SYTL2: variants seen among roughly 807,000 people sequenced by gnomAD.
SYTL2 encodes synaptotagmin-like protein 2.
Under a neutral mutation model 198.7 loss-of-function variants are expected in SYTL2, and 165 were observed. The ratio of observed to expected loss-of-function variants is 0.83; its 90% CI spans 0.73 to 0.94. The LOEUF (loss-of-function observed/expected upper bound fraction) is 0.94, where lower values mean the gene tolerates loss of function less well. SYTL2 is among the 40% of genes least tolerant of loss of function. The pLI is 0.00. For synonymous variants in SYTL2, 966 were observed against 917.7 expected (o/e 1.05, Z -0.95); for missense variants, 2,835 against 2,582.8 (o/e 1.10, Z -2.12).
chr11:85,707,976 C>CACA, intron 14 of SYTL2: 1 of 96,258 alleles, frequency 1.0e-5, no homozygotes, highest in Non-Finnish European at 2.1e-5. Flanking sequence ...AAAAAAAAAA[C>CACA]CACACACACA....
At position 85,789,358 on chromosome 11, in the gene SYTL2, A is replaced by ATATATATATATATATG. The variant is rs2092692408; in HGVS notation, c.-390+21595_-390+21596insCATATATATATATATA. On this transcript the variant is annotated intron_variant, in intron 1 of 19. Transcript: ENST00000359152. The stretch of plus-strand genomic sequence containing the variant: ...TGTGTGTGTATATATATATATATAT[A>ATATATATATATATATG]TATATATATATATATATATGTATAT... Among the ~76,000 whole-genome samples, 4 of 59,758 alleles carry ATATATATATATATATG rather than the reference A, an allele frequency of 6.7e-5. 1 individual carries two copies. Among genetic ancestry groups the ATATATATATATATATG allele is most frequent in the African/African-American group, 2.0e-4 (3 of 15,298 alleles). The allele number at this position is 59,758 out of a possible 152,430, so 39.2% of individuals were successfully genotyped here.
the SYTL2 span, among the ~76,000 whole-genome samples, chr11:85,833,055 G>T: frequency 4.9e-3 from 144 of 29,574 alleles, 14 homozygotes; most frequent in African/African-American, 0.015. Context: ...AAGAAAGAAA[G>T]AAAGAAAGAA....
At chr11:85,705,157 A>G in intron 15 of SYTL2, 129 bp from the exon 16 acceptor site, 2 of 605,088 alleles carry the variant, frequency 3.3e-6, no homozygotes. Flanking sequence ...AGTCCCAAAA[A>G]TATTGCAAAG....
rs1371014936 is a variant in SYTL2 at position 85,717,337 on chromosome 11, C to G, written c.5530+146G>C. The G allele has an allele frequency of 4.7e-6, 3 of 640,588 alleles. No individual in the cohort carries two copies. The Admixed American group carries it at 7.8e-5, about 17-fold the overall frequency. The allele number at this position is 640,588 out of a possible 1,614,324, so 39.7% of individuals were successfully genotyped here. ...AATAGTAAAATGTTTTCAATAAAAC[C>G]CTTATCGTAATGAAATAGCTTTGCA... On this transcript the variant is annotated intron_variant, in intron 11 of 19. Coordinates refer to ENST00000359152, the MANE Select transcript of SYTL2 (RefSeq NM_206927.4).
the SYTL2 span, among the ~76,000 whole-genome samples, chr11:85,834,276 C>T: frequency 6.6e-6 from 1 of 151,860 alleles, no homozygotes; most frequent in Admixed American, 6.6e-5. Flanking sequence ...AATATTAATC[C>T]ATTATTTCTT....
rs1462515781 is a variant in SYTL2 at position 85,700,412 on chromosome 11, G to A, written c.6268+103C>T. ...CATTTGGTCTATACGTTACTAACTT[G>A]ATAAGTTTCTTTAGGGCCTCACCTT... On this transcript the variant is annotated intron_variant, in intron 17 of 19. Coordinates refer to ENST00000359152, the MANE Select transcript of SYTL2 (RefSeq NM_206927.4). 5.9e-6 allele frequency: 5 copies of A among 850,780 alleles called. No individual in the cohort carries two copies. The East Asian group carries it at 1.2e-4, about 21-fold the overall frequency. The allele number at this position is 850,780 out of a possible 1,614,324, so 52.7% of individuals were successfully genotyped here. A position where few individuals can be genotyped will look rare whatever the true frequency, so the allele number is the denominator to read the frequency against.
At chr11:85,778,122 C>A (rs951166745) in intron 1 of SYTL2, among the ~76,000 whole-genome samples, 2 of 152,002 alleles carry the variant, frequency 1.3e-5, no homozygotes, top group Non-Finnish European at 2.9e-5. Flanking sequence ...CCCGGCCGGT[C>A]TTCTTACTAG....
Position 85,726,665 on chromosome 11 carries a change from T to A in SYTL2, c.2693A>T (p.Asp898Val). ...CTTATTCTGAAACAGAGACACTTTA[T>A]CTGATTGCTCAGCTGAAAGATAGTA... ...SRYYLSAEQS[D>V]KVSLFQNKKN... The change falls in exon 8 of 20, where the codon GAT (aspartate) becomes GTT (valine). Residue 898 changes from aspartate to valine, a missense_variant. By Grantham distance (152) the Asp-to-Val change is radical. This residue lies in a region of SYTL2 where 2,645 missense variants were observed against 2,381.7 expected (regional missense o/e 1.11). Transcript: ENST00000359152. 1 of 1,536,656 alleles carries A rather than the reference T, an allele frequency of 6.5e-7. No individual in the cohort carries two copies. The highest frequency in any genetic ancestry group is 8.7e-7 in the Non-Finnish European group (1 of 1,147,002).
intron 14 of SYTL2, chr11:85,708,153 CA>C (rs201488817): frequency 0.091 from 27,542 of 301,326 alleles, 5 homozygotes; most frequent in South Asian, 0.14. Flanking sequence ...AACTCCACCT[CA>C]AAAAAAAAAA....
the SYTL2 span, among the ~76,000 whole-genome samples, chr11:85,833,331 C>T: frequency 2.7e-5 from 4 of 146,688 alleles, no homozygotes; most frequent in East Asian, 7.9e-4. Flanking sequence ...CAATATATAT[C>T]ATATATATCA....
the SYTL2 span, among the ~76,000 whole-genome samples, chr11:85,825,468 T>C: frequency 2.0e-5 from 3 of 152,022 alleles, no homozygotes. Context: ...AGAAGCTATT[T>C]TGCAACATGG....
chr11:85,776,101 C>G (rs977493731), intron 1 of SYTL2, among the ~76,000 whole-genome samples: 1 of 152,120 alleles, frequency 6.6e-6, no homozygotes, highest in Non-Finnish European at 1.5e-5. Context: ...AAAAGAGCTA[C>G]CCAGTTCTCT....
rs1432909388 is a variant in SYTL2 at position 85,711,196 on chromosome 11, T to C, written c.5662A>G (p.Ser1888Gly). 1.2e-6 allele frequency: 2 copies of C among 1,614,094 alleles called. No individual in the cohort carries two copies. The highest frequency in any genetic ancestry group is 1.7e-5 in the Admixed American group (1 of 60,032). The change falls in exon 13 of 20, where the codon AGT becomes GGT. Residue 1888 changes from serine (S) to glycine (G), a missense_variant. By Grantham distance (56) the Ser-to-Gly change is moderately conservative. Coordinates refer to ENST00000359152, the MANE Select transcript of SYTL2 (RefSeq NM_206927.4). ...TTCTTGTGTCTGCTGAGCTGGTAAC[T>C]GCTTTCTGATGCTGTATCTGTTTCT... ...DRETDTASES[S>G]YQLSRHKKSP...
rs1439407424 is a variant in SYTL2, at chr11:85,726,773, T to A, written c.2585A>T (p.Asp862Val). ...ATTGGAGAGCTGGGATGCTTGATCA[T>A]CCTCATCTAAGACCACTCGTTTGGG... ...AIPKRVVLDE[D>V]DQASQLSNSY... The change falls in exon 8 of 20, where the codon GAT becomes GTT. Residue 862 changes from aspartate to valine, a missense_variant. Around this residue, in one of 3 missense-constraint regions of SYTL2, gnomAD observed 2,645 missense variants for 2,381.7 expected, o/e 1.11. Coordinates refer to ENST00000359152, the MANE Select transcript of SYTL2 (RefSeq NM_206927.4). 3 of 1,536,212 alleles carry A rather than the reference T, an allele frequency of 2.0e-6. No homozygotes were observed. Among genetic ancestry groups the A allele is most frequent in the South Asian group, 1.2e-5 (1 of 84,064 alleles).
intron 2 of SYTL2, among the ~76,000 whole-genome samples, chr11:85,751,286 A>G (rs969861962): frequency 3.3e-5 from 5 of 152,220 alleles, no homozygotes; most frequent in Non-Finnish European, 7.3e-5. Context: ...ATCCATATGT[A>G]TAACATCAAA....
intron 4 of SYTL2, 37 bp from the exon 5 acceptor site, chr11:85,737,693 A>C: frequency 1.3e-6 from 2 of 1,552,314 alleles, no homozygotes; most frequent in Non-Finnish European, 1.8e-6. Flanking sequence ...ATAAAACCTC[A>C]CCTTTTGAGG....
In SYTL2 at chr11:85,757,672, A is replaced by G; in HGVS notation, c.54T>C (p.Val18=). The G allele has an allele frequency of 6.2e-7, 1 of 1,613,850 alleles. No individual in the cohort carries two copies. Reference sequence around the variant, plus strand: ...TCTTCAGAGCAGCATCCCGCTGCAAAACCTTCATGATGGCCTCTTGTTCCT... The same window carrying G: ...TCTTCAGAGCAGCATCCCGCTGCAAGACCTTCATGATGGCCTCTTGTTCCT... ...TEEEQEAIMK[V]LQRDAALKRA... Residue 18 remains valine, a synonymous_variant, in exon 2 of 20, where the codon GTT becomes GTC. Transcript: ENST00000359152.
chr11:85,768,320 T>G (rs1407554088), intron 1 of SYTL2, among the ~76,000 whole-genome samples: 2 of 152,260 alleles, frequency 1.3e-5, no homozygotes, highest in Non-Finnish European at 2.9e-5. Context: ...AGTGTTGTGA[T>G]GTAGTAGAAT....
chr11:85,762,666 G>A lies in SYTL2; in HGVS notation c.-389-4552C>T, dbSNP rs75527955. ...AGGCTTTTGCATGTGCTGTTCCTTC[G>A]TCCTGGAACAGCATTTCCCTGGTTA... On this transcript the variant is annotated intron_variant, in intron 1 of 19. Coordinates refer to ENST00000359152, the MANE Select transcript of SYTL2 (RefSeq NM_206927.4). Among the ~76,000 whole-genome samples, 722 of 152,150 alleles carry A rather than the reference G, an allele frequency of 4.7e-3. 1 individual carries two copies. The highest frequency in any genetic ancestry group is 0.014 in the Middle Eastern group (4 of 294).
Sources: gnomAD v4.1 joint callset for allele counts (sites outside exome capture counted in the v4.1 genomes callset) on GRCh38, gnomAD v4.1.1 for gene constraint, gnomAD v4.1.1 regional missense constraint, MANE v1.5 for transcripts, NCBI Gene and HGNC (gene_info 2026-07-23, HGNC 2026-07-21) for gene names.